DCDC1: variants seen among roughly 807,000 people sequenced by gnomAD.
DCDC1 encodes doublecortin domain containing 1.
In DCDC1, 200 loss-of-function variants were observed where a neutral mutation model predicts 178.3. That is an observed-to-expected ratio of 1.12 (90% CI 1.00 to 1.26). DCDC1 has a LOEUF of 1.26. Ranked by LOEUF, DCDC1 falls within the 50% of genes most tolerant of loss-of-function variation. The pLI, the probability that DCDC1 is intolerant of heterozygous loss-of-function variation, is 0.00. For synonymous variants in DCDC1, 690 were observed against 604.8 expected, an observed-to-expected ratio of 1.14 and a Z score of -2.07; for missense variants, 1,983 against 1,749.2, an observed-to-expected ratio of 1.13 and a Z score of -2.38.
rs927378490 is a variant in DCDC1, at chr11:30,865,130, C to T, written c.*243G>A. 19 of 152,094 alleles carry T rather than the reference C, an allele frequency of 1.2e-4. No individual in the cohort carries two copies. Among genetic ancestry groups the T allele is most frequent in the Non-Finnish European group, 2.6e-4 (18 of 68,026 alleles). The allele number at this position is 152,094 out of a possible 1,614,324, so 9.4% of individuals were successfully genotyped here. A position where few individuals can be genotyped will look rare whatever the true frequency, so the allele number is the denominator to read the frequency against. ...TAGAGTTGCATTCTCAGACTAATATCTTTACAGTCTTGAGAAATCACTGTC... is the reference window on the plus strand; with the variant it reads ...TAGAGTTGCATTCTCAGACTAATATTTTTACAGTCTTGAGAAATCACTGTC... On this transcript the variant is annotated 3_prime_UTR_variant, in exon 39 of 39. Coordinates refer to ENST00000684477, the MANE Select transcript of DCDC1 (RefSeq NM_001387274.1).
At chr11:31,274,976 G>A (rs1945871617) in intron 7 of DCDC1, among the ~76,000 whole-genome samples, 1 of 152,026 alleles carries the variant, frequency 6.6e-6, no homozygotes, top group Non-Finnish European at 1.5e-5. Context: ...TGGGATTACA[G>A]GTGTGAGCCA....
Position 31,127,499 on chromosome 11 carries a change from G to A in DCDC1, c.1455C>T (p.Asn485=), listed in dbSNP as rs1033755213. The A allele has an allele frequency of 1.4e-6, 1 of 702,598 alleles. No homozygotes were observed. The highest frequency in any genetic ancestry group is 1.5e-5 in the South Asian group (1 of 67,594). The allele number at this position is 702,598 out of a possible 1,614,324, so 43.5% of individuals were successfully genotyped here. Residue 485 remains asparagine (N), a synonymous_variant, in exon 11 of 39, where the codon AAC becomes AAT. Coordinates refer to ENST00000684477, the MANE Select transcript of DCDC1 (RefSeq NM_001387274.1). ...VYQHIKSLPA[N]TLVPGGLQLK... The stretch of plus-strand genomic sequence containing the variant: ...GCTGCAGGCCTCCTGGGACAAGCGT[G>A]TTTGCTGGAAGGCTTTTAATGTGTT...
At chr11:30,891,707 T>C (rs2134048791) in intron 36 of DCDC1, among the ~76,000 whole-genome samples, 1 of 152,352 alleles carries the variant, frequency 6.6e-6, no homozygotes, top group South Asian at 2.1e-4. Flanking sequence ...CTTTTTTCCC[T>C]ACATGTATGA....
intron 9 of DCDC1, among the ~76,000 whole-genome samples, chr11:31,211,005 G>A (rs577104320): frequency 2.0e-5 from 3 of 152,216 alleles, no homozygotes; most frequent in Middle Eastern, 6.8e-3. Context: ...AAATTCTGAA[G>A]AAGGCTATTT....
intron 27 of DCDC1, among the ~76,000 whole-genome samples, chr11:30,912,667 CA>C (rs1272715863): frequency 6.6e-6 from 1 of 152,148 alleles, no homozygotes; most frequent in East Asian, 1.9e-4. Flanking sequence ...GGTACACCAG[CA>C]AAACTGCTCT....
At chr11:31,348,774 T>C (rs1459945893) in intron 1 of DCDC1, among the ~76,000 whole-genome samples, 3 of 152,206 alleles carry the variant, frequency 2.0e-5, no homozygotes, top group Admixed American at 6.5e-5. Context: ...CCAATAGAGC[T>C]AGTCCAGAAG....
chr11:31,056,310 A>G (rs1955580656), intron 20 of DCDC1, among the ~76,000 whole-genome samples: 1 of 152,136 alleles, frequency 6.6e-6, no homozygotes, highest in Non-Finnish European at 1.5e-5. Context: ...AATGGAACAT[A>G]TAGATATCAA....
chr11:31,041,558 C>T (rs2135350649), intron 20 of DCDC1, among the ~76,000 whole-genome samples: 1 of 152,244 alleles, frequency 6.6e-6, no homozygotes, highest in East Asian at 1.9e-4. Flanking sequence ...AGGCCAAGGT[C>T]ATACAGCTAG....
chr11:31,065,276 T>C (rs779601005), intron 18 of DCDC1, 123 bp from the exon 19 acceptor site: 150 of 479,916 alleles, frequency 3.1e-4, no homozygotes, highest in Non-Finnish European at 4.7e-4. Flanking sequence ...TAATAAACTT[T>C]GTACTTTATT....
intron 20 of DCDC1, among the ~76,000 whole-genome samples, chr11:30,987,998 GAA>G (rs1198456390): frequency 6.6e-6 from 1 of 152,158 alleles, no homozygotes; most frequent in Non-Finnish European, 1.5e-5. Flanking sequence ...TGGGGTGAGG[GAA>G]GCAGTTAGAT....
At chr11:31,145,671 G>A (rs1052190910) in intron 9 of DCDC1, among the ~76,000 whole-genome samples, 2 of 152,194 alleles carry the variant, frequency 1.3e-5, no homozygotes, top group African/African-American at 4.8e-5. Flanking sequence ...TGGCCTCACT[G>A]AAGTGGCAGC....
At position 30,943,596 on chromosome 11, in the gene DCDC1, A is replaced by G. The variant is rs116101189; in HGVS notation, c.2715+8849T>C. 2.2e-3 allele frequency: 963 copies of G among 442,842 alleles called. 14 individuals carry two copies. Among genetic ancestry groups the G allele is most frequent in the African/African-American group, 0.018 (867 of 49,510 alleles). 27.4% of individuals were successfully genotyped at this position (442,842 alleles called of 1,614,324 possible). A position where few individuals can be genotyped will look rare whatever the true frequency, so the allele number is the denominator to read the frequency against. On this transcript the variant is annotated intron_variant, in intron 21 of 38. Coordinates refer to ENST00000684477, the MANE Select transcript of DCDC1 (RefSeq NM_001387274.1). ...TTGCTCCTTACCTTTAAGTGTTTAG[A>G]AGCACAATTTTTCAATTCACAACTT...
chr11:31,139,384 A>C (rs1963547074), intron 9 of DCDC1, among the ~76,000 whole-genome samples: 2 of 152,188 alleles, frequency 1.3e-5, no homozygotes, highest in South Asian at 4.1e-4. Context: ...AGAAAACTTA[A>C]ATATCAAGCT....
chr11:30,970,655 C>T (rs184435299), intron 20 of DCDC1, among the ~76,000 whole-genome samples: 50 of 152,324 alleles, frequency 3.3e-4, no homozygotes, highest in Admixed American at 3.3e-3. Context: ...CCTGCAGCCA[C>T]CATCTGGGGC....
chr11:30,886,518 T>C (rs956603426), intron 36 of DCDC1, among the ~76,000 whole-genome samples: 2 of 152,108 alleles, frequency 1.3e-5, no homozygotes, highest in African/African-American at 4.8e-5. Flanking sequence ...GAGGAATCAT[T>C]TTCTAACTTG....
intron 6 of DCDC1, among the ~76,000 whole-genome samples, chr11:31,300,080 T>C (rs1178494674): frequency 6.6e-6 from 1 of 152,116 alleles, no homozygotes; most frequent in Non-Finnish European, 1.5e-5. Flanking sequence ...ATAGTGTTGA[T>C]CTCTTGACCT....
At chr11:31,060,987 G>A (rs1229159541) in intron 20 of DCDC1, among the ~76,000 whole-genome samples, 1 of 152,112 alleles carries the variant, frequency 6.6e-6, no homozygotes, top group Non-Finnish European at 1.5e-5. Flanking sequence ...AAATGTCAGT[G>A]CGATCCCTGG....
chr11:31,294,778 G>C (rs947571553), intron 6 of DCDC1, among the ~76,000 whole-genome samples: 2 of 140,384 alleles, frequency 1.4e-5, no homozygotes, highest in African/African-American at 5.3e-5. Flanking sequence ...GAAAGAAAGA[G>C]AAAGAAAGAA....
intron 3 of DCDC1, 28 bp downstream of exon 3, chr11:31,328,089 G>C (rs1949747340): frequency 6.3e-7 from 1 of 1,577,118 alleles, no homozygotes; most frequent in East Asian, 2.3e-5. Flanking sequence ...TCAGTATTTA[G>C]TTTAAGCTGC....
Sources: gnomAD v4.1 joint callset for allele counts (sites outside exome capture counted in the v4.1 genomes callset) on GRCh38, gnomAD v4.1.1 for gene constraint, MANE v1.5 for transcripts, NCBI Gene and HGNC (gene_info 2026-07-23, HGNC 2026-07-21) for gene names.